SLC9A9: variants seen among roughly 807,000 people sequenced by gnomAD.
SLC9A9 encodes the protein sodium/hydrogen exchanger 9.
In SLC9A9, 62 loss-of-function variants were observed where a neutral mutation model predicts 77.8. That is an observed-to-expected ratio of 0.80 (90% CI 0.65 to 0.98). The LOEUF is 0.98. SLC9A9 is among the 50% of genes least tolerant of loss of function. SLC9A9 has a pLI of 0.00. For missense variants in SLC9A9, 775 were observed against 774.9 expected, an observed-to-expected ratio of 1.00 and a Z score of 0.00; for synonymous variants, 320 against 283.5, an observed-to-expected ratio of 1.13 and a Z score of -1.29.
At chr3:143,341,366 A>G (rs2032093673) in intron 14 of SLC9A9, among the ~76,000 whole-genome samples, 1 of 152,194 alleles carries the variant, frequency 6.6e-6, no homozygotes, top group Non-Finnish European at 1.5e-5. Flanking sequence ...TATAAAAATA[A>G]TCATCCATTC....
chr3:143,663,440 G>A (rs1039159046), intron 5 of SLC9A9, among the ~76,000 whole-genome samples: 3 of 152,212 alleles, frequency 2.0e-5, no homozygotes, highest in Non-Finnish European at 4.4e-5. Context: ...CGCCAACAAC[G>A]GAACAAAGCT....
intron 6 of SLC9A9, among the ~76,000 whole-genome samples, chr3:143,609,261 G>C (rs1166866466): frequency 6.6e-6 from 1 of 152,170 alleles, no homozygotes; most frequent in African/African-American, 2.4e-5. Context: ...TGCATCTAAA[G>C]AATGCAAGCA....
chr3:143,388,977 C>T, intron 12 of SLC9A9, among the ~76,000 whole-genome samples: 1 of 152,120 alleles, frequency 6.6e-6, no homozygotes, highest in East Asian at 1.9e-4. Flanking sequence ...CCAGGCACGG[C>T]ATGGGCAAAG....
intron 6 of SLC9A9, among the ~76,000 whole-genome samples, chr3:143,600,180 G>A (rs1176008429): frequency 6.6e-6 from 1 of 151,892 alleles, no homozygotes; most frequent in African/African-American, 2.4e-5. Flanking sequence ...TCCTCCCCTA[G>A]CCTCCAACCC....
At chr3:143,556,871 T>C (rs1313004021) in intron 8 of SLC9A9, among the ~76,000 whole-genome samples, 3 of 152,250 alleles carry the variant, frequency 2.0e-5, no homozygotes, top group Admixed American at 1.3e-4. Context: ...GTATCTTTGC[T>C]GTCATAACTG....
At chr3:143,695,520 C>A (rs545575106) in intron 4 of SLC9A9, among the ~76,000 whole-genome samples, 3 of 152,092 alleles carry the variant, frequency 2.0e-5, no homozygotes, top group African/African-American at 7.2e-5. Context: ...TGAATTCATC[C>A]TTTTCATGGC....
intron 9 of SLC9A9, among the ~76,000 whole-genome samples, chr3:143,516,054 A>G (rs1312199348): frequency 2.0e-5 from 3 of 152,206 alleles, no homozygotes; most frequent in Admixed American, 6.5e-5. Flanking sequence ...CAATTTCTTG[A>G]AAGATTGCAG....
rs185886146 is a variant in SLC9A9, at chr3:143,709,693, C to A, written c.534-16386G>T. Among the ~76,000 whole-genome samples, 6 of 152,220 alleles carry A rather than the reference C, an allele frequency of 3.9e-5. No individual in the cohort carries two copies. In the East Asian group the frequency reaches 1.2e-3, roughly 29 times the overall value. On this transcript the variant is annotated intron_variant, in intron 4 of 15. Transcript: ENST00000316549. ...TCCCTGCTGATTTGTGGATAAGAGA[C>A]AATGATTATTGAATAGCATTGTTAC...
At chr3:143,602,452 T>C (rs1256556891) in intron 6 of SLC9A9, among the ~76,000 whole-genome samples, 1 of 152,244 alleles carries the variant, frequency 6.6e-6, no homozygotes, top group Non-Finnish European at 1.5e-5. Flanking sequence ...AAACATTCAC[T>C]AGCTGCCTTT....
At chr3:143,541,494 C>T (rs931080077) in intron 9 of SLC9A9, among the ~76,000 whole-genome samples, 2 of 152,114 alleles carry the variant, frequency 1.3e-5, no homozygotes, top group South Asian at 2.1e-4. Flanking sequence ...ACAAACTATA[C>T]GAAATAATAA....
intron 11 of SLC9A9, among the ~76,000 whole-genome samples, chr3:143,473,249 C>T (rs1457739880): frequency 6.6e-6 from 1 of 152,152 alleles, no homozygotes; most frequent in Non-Finnish European, 1.5e-5. Flanking sequence ...TCTTCCAGTC[C>T]ATCTTGTTGA....
At chr3:143,630,968 A>C (rs148432613) in intron 6 of SLC9A9, among the ~76,000 whole-genome samples, 1 of 152,118 alleles carries the variant, frequency 6.6e-6, no homozygotes, top group Non-Finnish European at 1.5e-5. Context: ...TATACTTGCT[A>C]TACCTCTCAG....
At chr3:143,423,502 T>G (rs1284876586) in intron 12 of SLC9A9, among the ~76,000 whole-genome samples, 1 of 152,108 alleles carries the variant, frequency 6.6e-6, no homozygotes, top group African/African-American at 2.4e-5. Context: ...TTTAAAATGA[T>G]GAGAACATGT....
chr3:143,296,331 C>A (rs1242348035), intron 14 of SLC9A9, among the ~76,000 whole-genome samples: 1 of 152,202 alleles, frequency 6.6e-6, no homozygotes, highest in Non-Finnish European at 1.5e-5. Context: ...CCTTTTGTGA[C>A]TGGCTTATAT....
chr3:143,775,657 C>G (rs995116491), intron 4 of SLC9A9, among the ~76,000 whole-genome samples: 3 of 152,130 alleles, frequency 2.0e-5, no homozygotes, highest in Non-Finnish European at 2.9e-5. Flanking sequence ...GATTTTGGAA[C>G]GGAACTTTAG....
chr3:143,700,395 G>C (rs1933762276), intron 4 of SLC9A9, among the ~76,000 whole-genome samples: 1 of 152,162 alleles, frequency 6.6e-6, no homozygotes, highest in Non-Finnish European at 1.5e-5. Context: ...TGGGCTCTTG[G>C]ACAGCATCGG....
At chr3:143,299,686 G>A (rs755015944) in intron 14 of SLC9A9, among the ~76,000 whole-genome samples, 9 of 152,040 alleles carry the variant, frequency 5.9e-5, no homozygotes, top group Non-Finnish European at 1.2e-4. Context: ...CTCTTGATCC[G>A]CCTGCCTTGG....
At chr3:143,409,485 T>C (rs2034050728) in intron 12 of SLC9A9, among the ~76,000 whole-genome samples, 2 of 152,220 alleles carry the variant, frequency 1.3e-5, no homozygotes, top group South Asian at 4.1e-4. Flanking sequence ...CTGCTGCCAG[T>C]ATTCAATGTT....
intron 8 of SLC9A9, among the ~76,000 whole-genome samples, chr3:143,566,687 T>C (rs755247401): frequency 2.6e-5 from 4 of 152,112 alleles, no homozygotes; most frequent in African/African-American, 4.8e-5. Context: ...CTGCCTCCAA[T>C]GAACATAAAA....
Sources: gnomAD v4.1 joint callset for allele counts (sites outside exome capture counted in the v4.1 genomes callset) on GRCh38, gnomAD v4.1.1 for gene constraint, MANE v1.5 for transcripts, NCBI Gene and HGNC (gene_info 2026-07-23, HGNC 2026-07-21) for gene names.